LINGO2: variants seen among roughly 807,000 people sequenced by gnomAD.
LINGO2 encodes the protein leucine-rich repeat and immunoglobulin-like domain-containing nogo receptor-interacting protein 2.
In LINGO2, 14 loss-of-function variants were observed where a neutral mutation model predicts 30.6. The ratio of observed to expected loss-of-function variants is 0.46; its 90% CI spans 0.30 to 0.72. The LOEUF is 0.72. Among genes scored for constraint, LINGO2 ranks in the 30% least tolerant of loss-of-function variants. The pLI is 0.07. For missense variants in LINGO2, 729 were observed against 751.7 expected, an observed-to-expected ratio of 0.97 and a Z score of 0.35; for synonymous variants, 317 against 288.5, an observed-to-expected ratio of 1.10 and a Z score of -1.00.
chr9:29,095,493 C>G, the LINGO2 span, among the ~76,000 whole-genome samples: 1 of 138,010 alleles, frequency 7.2e-6, no homozygotes, highest in Non-Finnish European at 1.6e-5. Flanking sequence ...AGCCTTAACT[C>G]AAAGTCATTT....
chr9:29,010,955 G>A, the LINGO2 span, among the ~76,000 whole-genome samples: 1 of 152,050 alleles, frequency 6.6e-6, no homozygotes, highest in African/African-American at 2.4e-5. Context: ...TTCTGAGGCC[G>A]AACTCTATCA....
At chr9:28,608,049 C>T (rs757635446) in intron 1 of LINGO2, among the ~76,000 whole-genome samples, 3 of 151,834 alleles carry the variant, frequency 2.0e-5, no homozygotes, top group Non-Finnish European at 2.9e-5. Context: ...AATCTGGACA[C>T]TCATCAAATT....
At chr9:28,512,999 T>C (rs1820473461) in intron 1 of LINGO2, among the ~76,000 whole-genome samples, 1 of 151,690 alleles carries the variant, frequency 6.6e-6, no homozygotes, top group Non-Finnish European at 1.5e-5. Context: ...GTTAATCTCT[T>C]TTGGCAACAC....
At chr9:28,151,179 T>A (rs1173748664) in intron 4 of LINGO2, among the ~76,000 whole-genome samples, 1 of 152,144 alleles carries the variant, frequency 6.6e-6, no homozygotes, top group Non-Finnish European at 1.5e-5. Flanking sequence ...AATAACATAT[T>A]ATGACCAAGA....
intron 1 of LINGO2, among the ~76,000 whole-genome samples, chr9:28,507,565 CA>C (rs1820202153): frequency 6.6e-6 from 1 of 152,072 alleles, no homozygotes; most frequent in South Asian, 2.1e-4. Flanking sequence ...ATTCTGGCAA[CA>C]AAAGATGTCC....
the LINGO2 span, among the ~76,000 whole-genome samples, chr9:29,052,446 G>C: frequency 6.6e-6 from 1 of 152,164 alleles, no homozygotes; most frequent in African/African-American, 2.4e-5. Flanking sequence ...AAGGGCAGGA[G>C]AGTAGTGGAT....
intron 2 of LINGO2, among the ~76,000 whole-genome samples, chr9:28,374,224 A>G (rs968320997): frequency 1.4e-5 from 2 of 146,426 alleles, no homozygotes; most frequent in South Asian, 2.1e-4. Context: ...ATATATATAT[A>G]TATATATGTA....
intron 4 of LINGO2, among the ~76,000 whole-genome samples, chr9:28,214,218 T>C (rs1372332441): frequency 6.6e-6 from 1 of 151,576 alleles, no homozygotes; most frequent in Non-Finnish European, 1.5e-5. Flanking sequence ...TATACTTTCA[T>C]GCAGAAAAGC....
the LINGO2 span, among the ~76,000 whole-genome samples, chr9:29,174,935 G>C: frequency 6.6e-6 from 1 of 152,150 alleles, no homozygotes; most frequent in Non-Finnish European, 1.5e-5. Flanking sequence ...TCTTAGTTGT[G>C]TCAGATCTTT....
the LINGO2 span, among the ~76,000 whole-genome samples, chr9:28,901,364 C>T: frequency 2.6e-5 from 4 of 151,990 alleles, no homozygotes; most frequent in Admixed American, 2.6e-4. Flanking sequence ...TAACACAAAA[C>T]ATATTAAAGT....
the LINGO2 span, among the ~76,000 whole-genome samples, chr9:28,845,481 G>GT: frequency 0.043 from 6,550 of 151,822 alleles, 229 homozygotes; most frequent in Admixed American, 0.084. Flanking sequence ...GTTATACATT[G>GT]TATGTTCCCT....
chr9:28,702,739 A>G, the LINGO2 span, among the ~76,000 whole-genome samples: 1 of 151,842 alleles, frequency 6.6e-6, no homozygotes, highest in Non-Finnish European at 1.5e-5. Context: ...TGTTTGGTAA[A>G]ATTTACCAGT....
Position 28,420,728 on chromosome 9 carries a change from A to G in LINGO2, c.-278-47860T>C, listed in dbSNP as rs1294397750. Among the ~76,000 whole-genome samples, 5 of 152,070 alleles carry G rather than the reference A, an allele frequency of 3.3e-5. 1 individual carries two copies. The highest frequency in any genetic ancestry group is 4.4e-5 in the Non-Finnish European group (3 of 67,950). On this transcript the variant is annotated intron_variant, in intron 2 of 5. Coordinates refer to ENST00000379992, the Ensembl canonical transcript of LINGO2. ...GCATAAATTCTGCTAAAGTTCAGAA[A>G]ATTTTTACCATCACTCCTTTCTTTC...
At chr9:28,537,244 A>T (rs536276394) in intron 1 of LINGO2, among the ~76,000 whole-genome samples, 1 of 152,248 alleles carries the variant, frequency 6.6e-6, no homozygotes, top group East Asian at 1.9e-4. Flanking sequence ...CAGAACTGAG[A>T]GACAATATAT....
chr9:29,076,291 C>A, the LINGO2 span, among the ~76,000 whole-genome samples: 65,822 of 151,562 alleles, frequency 0.43, 14,545 homozygotes, highest in East Asian at 0.55. Flanking sequence ...TTTCCATTAT[C>A]TATATATATT....
At chr9:28,878,633 A>G in the LINGO2 span, among the ~76,000 whole-genome samples, 3 of 152,210 alleles carry the variant, frequency 2.0e-5, no homozygotes, top group Non-Finnish European at 4.4e-5. Context: ...CAAAAAGCTT[A>G]TCCACCAGGA....
At chr9:28,177,760 C>A (rs558573532) in intron 4 of LINGO2, among the ~76,000 whole-genome samples, 1 of 152,202 alleles carries the variant, frequency 6.6e-6, no homozygotes, top group Admixed American at 6.5e-5. Flanking sequence ...GCCATTTCCT[C>A]TCATTCTTAA....
the LINGO2 span, among the ~76,000 whole-genome samples, chr9:28,797,550 C>T: frequency 6.6e-6 from 1 of 151,512 alleles, no homozygotes; most frequent in Non-Finnish European, 1.5e-5. Flanking sequence ...AACAATGACC[C>T]AAGATTTTGA....
intron 3 of LINGO2, among the ~76,000 whole-genome samples, chr9:28,298,082 CTG>C (rs1246350819): frequency 6.6e-6 from 1 of 152,130 alleles, no homozygotes; most frequent in African/African-American, 2.4e-5. Context: ...TGGTTTGAAA[CTG>C]TATCCTGTCA....
Sources: gnomAD v4.1 joint callset for allele counts (sites outside exome capture counted in the v4.1 genomes callset) on GRCh38, gnomAD v4.1.1 for gene constraint, MANE v1.5 for transcripts, NCBI Gene and HGNC (gene_info 2026-07-23, HGNC 2026-07-21) for gene names.